The following ABCA13 variants were observed in gnomAD, a reference collection of about 807,000 sequenced individuals.
ABCA13 encodes the protein ATP binding cassette subfamily A member 13.
ABCA13 carries 476 observed loss-of-function variants against 478.7 expected under a neutral mutation model. The ratio of observed to expected loss-of-function variants is 0.99; its 90% CI spans 0.92 to 1.07. ABCA13 has a LOEUF of 1.07. ABCA13 is among the 50% of genes least tolerant of loss of function. The probability of loss-of-function intolerance (pLI) is 0.00; values close to 1 mark genes in which losing one functional copy is unlikely to be tolerated. For missense variants in ABCA13, 6,060 were observed against 5,910.6 expected (o/e 1.03, Z -0.83); for synonymous variants, 2,252 against 2,158.9 (o/e 1.04, Z -1.20).
chr7:48,518,232 C>G (rs559302360), intron 52 of ABCA13, among the ~76,000 whole-genome samples: 1 of 152,260 alleles, frequency 6.6e-6, no homozygotes, highest in East Asian at 1.9e-4. Context: ...TCCCTCCTCC[C>G]TCATCGGATC....
At chr7:48,316,065 A>T (rs1802536814) in intron 26 of ABCA13, among the ~76,000 whole-genome samples, 1 of 152,196 alleles carries the variant, frequency 6.6e-6, no homozygotes, top group South Asian at 2.1e-4. Context: ...ACCTTATAAG[A>T]TTTAGTTCCT....
chr7:48,346,222 A>G (rs1328095621), intron 29 of ABCA13, among the ~76,000 whole-genome samples: 1 of 152,146 alleles, frequency 6.6e-6, no homozygotes, highest in African/African-American at 2.4e-5. Flanking sequence ...AGATGTACCT[A>G]TGTCTCCCAA....
intron 43 of ABCA13, among the ~76,000 whole-genome samples, chr7:48,466,101 A>G (rs1826848935): frequency 6.6e-6 from 1 of 152,156 alleles, no homozygotes; most frequent in African/African-American, 2.4e-5. Flanking sequence ...AGAAATCTAT[A>G]CTCTTTTCTA....
Position 48,646,624 on chromosome 7 carries a change from A to G in ABCA13, c.*1112A>G, listed in dbSNP as rs1258119704. On this transcript the variant is annotated 3_prime_UTR_variant, in exon 62 of 62. Coordinates refer to ENST00000435803, the MANE Select transcript of ABCA13 (RefSeq NM_152701.5). ...AAGCTCCGCCTCCTGGGTTCACGCC[A>G]TTCTCCTGCCTCAGCCTCCCCAGCA... The G allele has an allele frequency of 2.6e-5, 4 of 151,714 alleles. No individual in the cohort carries two copies. 9.4% of individuals were successfully genotyped at this position (151,714 alleles called of 1,614,324 possible). A position where few individuals can be genotyped will look rare whatever the true frequency, so the allele number is the denominator to read the frequency against.
intron 59 of ABCA13, among the ~76,000 whole-genome samples, chr7:48,628,873 C>T (rs1462976560): frequency 6.6e-6 from 1 of 152,200 alleles, no homozygotes; most frequent in Non-Finnish European, 1.5e-5. Flanking sequence ...AATGCTGCAA[C>T]TAGACTGTAA....
rs1310071983 is a variant in ABCA13 at position 48,198,276 on chromosome 7, T to A, written c.203T>A (p.Ile68Asn). ...CGAGATCTACCCAGCTGTGGTGTTA[T>A]CCCCTTTGTTCAAAGCCTTCTTTGT... ...QPRDLPSCGV[I>N]PFVQSLLCNT... Residue 68 changes from isoleucine to asparagine, a missense_variant, in exon 3 of 62, where the codon ATC becomes AAC. Ile to Asn is a moderately radical substitution (Grantham distance 149). Transcript: ENST00000435803. 6.2e-7 allele frequency: 1 copy of A among 1,613,712 alleles called. No individual in the cohort carries two copies. Among genetic ancestry groups the A allele is most frequent in the East Asian group, 2.2e-5 (1 of 44,872 alleles).
chr7:48,511,490 C>G (rs1207092794), intron 51 of ABCA13, among the ~76,000 whole-genome samples: 1 of 152,148 alleles, frequency 6.6e-6, no homozygotes, highest in Admixed American at 6.5e-5. Context: ...ATTATTCTCA[C>G]TTTGACATTA....
chr7:48,640,333 G>A (rs1301158904), intron 59 of ABCA13, among the ~76,000 whole-genome samples: 1 of 152,168 alleles, frequency 6.6e-6, no homozygotes, highest in Non-Finnish European at 1.5e-5. Flanking sequence ...CAGGTGCATT[G>A]CCACCTCTTT....
At position 48,520,073 on chromosome 7, in the gene ABCA13, G is replaced by T. The variant is rs766059875; in HGVS notation, c.13830G>T (p.Trp4610Cys). ...AGAATATCTATGATGTCCTCAAGTGGGTCTTTACTATTTTTCCTCAATTCT... is the reference window on the plus strand; with the variant it reads ...AGAATATCTATGATGTCCTCAAGTGTGTCTTTACTATTTTTCCTCAATTCT... ...NLQNIYDVLKWVFTIFPQFCL... is the reference protein window; with the variant it reads ...NLQNIYDVLKCVFTIFPQFCL... The change falls in exon 53 of 62, where the codon TGG (tryptophan) becomes TGT (cysteine). Residue 4610 changes from tryptophan (W) to cysteine (C), a missense_variant. By Grantham distance (215) the Trp-to-Cys change is radical. This residue lies in a region of ABCA13 where 1,627 missense variants were observed against 1,571.0 expected (regional missense o/e 1.04). Transcript: ENST00000435803. The T allele has an allele frequency of 6.2e-7, 1 of 1,612,900 alleles. No homozygotes were observed. Among genetic ancestry groups the T allele is most frequent in the African/African-American group, 1.3e-5 (1 of 74,946 alleles).
chr7:48,294,101 T>C (rs1798984997), intron 20 of ABCA13, among the ~76,000 whole-genome samples: 1 of 152,142 alleles, frequency 6.6e-6, no homozygotes, highest in Admixed American at 6.5e-5. Context: ...CATATTTATT[T>C]TTTAATAATA....
At chr7:48,224,793 G>T (rs1006564154) in intron 5 of ABCA13, among the ~76,000 whole-genome samples, 2 of 152,006 alleles carry the variant, frequency 1.3e-5, no homozygotes, top group African/African-American at 4.8e-5. Flanking sequence ...AAAAGTCAGC[G>T]CCATATTTTA....
At chr7:48,331,080 G>C (rs770793369) in intron 27 of ABCA13, among the ~76,000 whole-genome samples, 26 of 152,058 alleles carry the variant, frequency 1.7e-4, no homozygotes, top group Non-Finnish European at 7.4e-5. Flanking sequence ...ATATAACTAA[G>C]AAAATAATTG....
At chr7:48,507,755 C>A in intron 49 of ABCA13, 117 bp from the exon 50 acceptor site, 1 of 1,227,826 alleles carries the variant, frequency 8.1e-7, no homozygotes, top group Non-Finnish European at 1.1e-6. Flanking sequence ...ACATGCCTGG[C>A]TGATTATGAA....
intron 48 of ABCA13, among the ~76,000 whole-genome samples, chr7:48,503,802 T>C (rs1830961588): frequency 6.6e-6 from 1 of 152,188 alleles, no homozygotes; most frequent in African/African-American, 2.4e-5. Flanking sequence ...CTTTATTTTT[T>C]GACATACATC....
intron 38 of ABCA13, among the ~76,000 whole-genome samples, chr7:48,402,030 G>C (rs925611194): frequency 1.3e-5 from 2 of 152,250 alleles, no homozygotes; most frequent in South Asian, 4.1e-4. Flanking sequence ...TTCTGTGAAG[G>C]ACTGCACAGG....
intron 51 of ABCA13, among the ~76,000 whole-genome samples, chr7:48,516,458 C>A (rs978441627): frequency 1.3e-5 from 2 of 152,022 alleles, no homozygotes; most frequent in African/African-American, 4.8e-5. Flanking sequence ...ACTAGATGGC[C>A]CCAAAGTGCT....
chr7:48,499,447 T>C (rs1349697610), intron 48 of ABCA13, among the ~76,000 whole-genome samples: 1 of 152,186 alleles, frequency 6.6e-6, no homozygotes, highest in Non-Finnish European at 1.5e-5. Context: ...CGAAAGTGAG[T>C]ACTTGAATTG....
intron 44 of ABCA13, 69 bp from the exon 45 acceptor site, chr7:48,471,461 C>G: frequency 7.2e-7 from 1 of 1,387,054 alleles, no homozygotes; most frequent in South Asian, 1.3e-5. Context: ...TGATGAAACT[C>G]TCTTTTATGG....
intron 47 of ABCA13, among the ~76,000 whole-genome samples, chr7:48,487,486 T>G (rs1829443048): frequency 6.8e-6 from 1 of 146,416 alleles, no homozygotes; most frequent in Admixed American, 6.8e-5. Flanking sequence ...CATTTTTAAG[T>G]TTTTTTTTTA....
Sources: gnomAD v4.1 joint callset for allele counts (sites outside exome capture counted in the v4.1 genomes callset) on GRCh38, gnomAD v4.1.1 for gene constraint, gnomAD v4.1.1 regional missense constraint, MANE v1.5 for transcripts, NCBI Gene and HGNC (gene_info 2026-07-23, HGNC 2026-07-21) for gene names.